Variants in NHEJ1 observed in about 807,000 individuals in gnomAD.
NHEJ1 encodes non-homologous end-joining factor 1.
Under a neutral mutation model 39.4 loss-of-function variants are expected in NHEJ1, and 22 were observed. The observed-to-expected ratio is 0.56, with a 90% CI of 0.40 to 0.80. NHEJ1 has a LOEUF of 0.80. Among genes scored for constraint, NHEJ1 ranks in the 30% least tolerant of loss-of-function variants. NHEJ1 has a pLI of 0.00. For missense variants in NHEJ1, 329 were observed against 357.1 expected, an observed-to-expected ratio of 0.92 and a Z score of 0.63; for synonymous variants, 154 against 135.6, an observed-to-expected ratio of 1.14 and a Z score of -0.94.
intron 5 of NHEJ1, among the ~76,000 whole-genome samples, chr2:219,114,596 C>T (rs1469997463): frequency 6.6e-6 from 1 of 152,174 alleles, no homozygotes; most frequent in Non-Finnish European, 1.5e-5. Flanking sequence ...GGAAAATGCT[C>T]TGATGCAGCC....
intron 5 of NHEJ1, among the ~76,000 whole-genome samples, chr2:219,086,880 C>G (rs1949116442): frequency 6.6e-6 from 1 of 152,084 alleles, no homozygotes; most frequent in Admixed American, 6.5e-5. Context: ...TGCTCTATAA[C>G]CACCCCCTCC....
chr2:219,095,829 TA>T (rs1949203178), intron 5 of NHEJ1, among the ~76,000 whole-genome samples: 1 of 151,998 alleles, frequency 6.6e-6, no homozygotes, highest in Non-Finnish European at 1.5e-5. Flanking sequence ...GGCGAAGCAA[TA>T]AATGTATCCA....
chr2:219,120,383 G>C (rs550860724), intron 5 of NHEJ1, among the ~76,000 whole-genome samples: 36 of 152,212 alleles, frequency 2.4e-4, no homozygotes, highest in African/African-American at 7.9e-4. Context: ...GAAAATGTAA[G>C]TGAATAGCAA....
At chr2:219,103,512 G>C (rs1035877969) in intron 5 of NHEJ1, among the ~76,000 whole-genome samples, 4 of 152,142 alleles carry the variant, frequency 2.6e-5, no homozygotes, top group Admixed American at 6.5e-5. Context: ...CTGACCTCAA[G>C]TGATCCGTCC....
At chr2:219,106,095 T>C (rs1365956314) in intron 5 of NHEJ1, among the ~76,000 whole-genome samples, 1 of 152,164 alleles carries the variant, frequency 6.6e-6, no homozygotes, top group African/African-American at 2.4e-5. Context: ...ATTCCATGAA[T>C]GAATGGAAAG....
chr2:219,155,377 C>G (rs1363311355), intron 3 of NHEJ1, among the ~76,000 whole-genome samples: 9 of 151,932 alleles, frequency 5.9e-5, no homozygotes, highest in South Asian at 2.1e-4. Context: ...CCACCCTGGT[C>G]AACACAGAGA....
At position 219,157,347 on chromosome 2, in the gene NHEJ1, C is replaced by T. The variant is rs1188496826; in HGVS notation, c.390+125G>A. ...GAATCCTTTTTGCCTTCTGTTTAGT[C>T]AAGGAAAGTTTTCTGATTGGAGAAG... On this transcript the variant is annotated intron_variant, in intron 3 of 7. Coordinates refer to ENST00000356853, the MANE Select transcript of NHEJ1 (RefSeq NM_024782.3). 3.7e-6 allele frequency: 3 copies of T among 806,892 alleles called. No individual in the cohort carries two copies. In the African/African-American group the frequency reaches 5.1e-5, roughly 14 times the overall value. The allele number at this position is 806,892 out of a possible 1,614,324, so 50.0% of individuals were successfully genotyped here. A position where few individuals can be genotyped will look rare whatever the true frequency, so the allele number is the denominator to read the frequency against.
chr2:219,123,410 A>G (rs912573887), intron 5 of NHEJ1, among the ~76,000 whole-genome samples: 3 of 152,204 alleles, frequency 2.0e-5, no homozygotes, highest in African/African-American at 4.8e-5. Flanking sequence ...ATCTTTTTCC[A>G]CCTACAGATC....
intron 3 of NHEJ1, among the ~76,000 whole-genome samples, chr2:219,155,313 CCAA>C (rs1949842758): frequency 6.6e-6 from 1 of 151,876 alleles, no homozygotes; most frequent in Admixed American, 6.6e-5. Flanking sequence ...GCTTGTAATC[CCAA>C]CACCTTGGGA....
At chr2:219,153,314 G>A (rs569083464) in intron 3 of NHEJ1, among the ~76,000 whole-genome samples, 1 of 152,292 alleles carries the variant, frequency 6.6e-6, no homozygotes, top group South Asian at 2.1e-4. Context: ...GTCTCAAAGA[G>A]GTGGAGTTGA....
chr2:219,142,886 C>T (rs1313172820), intron 5 of NHEJ1, among the ~76,000 whole-genome samples: 2 of 152,240 alleles, frequency 1.3e-5, no homozygotes, highest in African/African-American at 2.4e-5. Flanking sequence ...CCACTATCAA[C>T]TGGCTCCTTG....
chr2:219,095,383 T>C (rs533119018), intron 5 of NHEJ1: 13 of 470,304 alleles, frequency 2.8e-5, no homozygotes, highest in South Asian at 1.7e-4. Flanking sequence ...ATTTAGTTAG[T>C]AGTAGTCCTG....
chr2:219,126,208 T>C (rs1453459681), intron 5 of NHEJ1, among the ~76,000 whole-genome samples: 2 of 152,230 alleles, frequency 1.3e-5, no homozygotes, highest in Non-Finnish European at 2.9e-5. Context: ...GTTTTCTCCC[T>C]TTTCAAATAT....
At chr2:219,101,372 C>T (rs1949258745) in intron 5 of NHEJ1, among the ~76,000 whole-genome samples, 1 of 152,146 alleles carries the variant, frequency 6.6e-6, no homozygotes, top group Non-Finnish European at 1.5e-5. Flanking sequence ...GCCTTGGCCT[C>T]CCAAAGTGCT....
Position 219,077,303 on chromosome 2 carries a change from C to G in NHEJ1, c.768G>C (p.Gln256His), listed in dbSNP as rs149249203. The part of the protein sequence containing the change: ...LQGIDSQCVN[Q>H]PEQLVSSAPT... ...GGGCTGAGGAGACCAGTTGTTCTGG[C>G]TGGTTTACACATTGGCTATCGATTC... Residue 256 changes from glutamine to histidine, a missense_variant, in exon 7 of 8, where the codon CAG (glutamine) becomes CAC (histidine). Coordinates refer to ENST00000356853, the MANE Select transcript of NHEJ1 (RefSeq NM_024782.3). 2 of 1,614,098 alleles carry G rather than the reference C, an allele frequency of 1.2e-6. No individual in the cohort carries two copies. The highest frequency in any genetic ancestry group is 2.7e-5 in the African/African-American group (2 of 75,042).
In NHEJ1 at chr2:219,147,734, C is replaced by T; in HGVS notation, c.452G>A (p.Arg151Lys). The T allele has an allele frequency of 1.2e-6, 2 of 1,614,160 alleles. No homozygotes were observed. The highest frequency in any genetic ancestry group is 1.7e-6 in the Non-Finnish European group (2 of 1,180,006). Residue 151 changes from arginine to lysine, a missense_variant, in exon 4 of 8, where the codon AGG (arginine) becomes AAG (lysine). Transcript: ENST00000356853. ...CATATGAAGTAACGTTGCTAGCTCC[C>T]TCACTTGGCACTGTAATGCCAGACT... Reference protein sequence around the residue: ...GMSLALQCQVRELATLLHMKD... With the variant: ...GMSLALQCQVKELATLLHMKD...
intron 5 of NHEJ1, among the ~76,000 whole-genome samples, chr2:219,119,037 T>C (rs1350253624): frequency 6.6e-6 from 1 of 152,172 alleles, no homozygotes; most frequent in Non-Finnish European, 1.5e-5. Flanking sequence ...AACAAACCTC[T>C]AACAAACCAC....
chr2:219,149,942 G>A (rs1949779738), intron 3 of NHEJ1, among the ~76,000 whole-genome samples: 1 of 152,214 alleles, frequency 6.6e-6, no homozygotes, highest in Non-Finnish European at 1.5e-5. Context: ...TTGGCCCATG[G>A]CCATAGTATG....
rs901302308 is a variant in NHEJ1 at position 219,073,556 on chromosome 2, C to T, written c.*2825G>A. ...AACTATGGGGGACCAGCCGGCAAGG[C>T]CAAGTAGGCCTTGCAATCTAGGTGG... On this transcript the variant is annotated 3_prime_UTR_variant, in exon 8 of 8. Coordinates refer to ENST00000356853, the MANE Select transcript of NHEJ1 (RefSeq NM_024782.3). Among the ~76,000 whole-genome samples, 1 of 152,206 alleles carries T rather than the reference C, an allele frequency of 6.6e-6. No homozygotes were observed. Among genetic ancestry groups the T allele is most frequent in the African/African-American group, 2.4e-5 (1 of 41,452 alleles).
Sources: allele counts gnomAD v4.1 joint callset (sites outside exome capture counted in the v4.1 genomes callset), GRCh38; gene constraint gnomAD v4.1.1; transcripts MANE v1.5; gene names NCBI Gene and HGNC (gene_info 2026-07-23, HGNC 2026-07-21).